The following GATAD2B variants were observed in gnomAD, a reference collection of about 807,000 sequenced individuals.
The protein encoded by GATAD2B is GATA zinc finger domain containing 2B.
GATAD2B carries 8 observed loss-of-function variants against 64.3 expected under a neutral mutation model. The ratio of observed to expected loss-of-function variants is 0.12; its 90% CI spans 0.07 to 0.22. The LOEUF (loss-of-function observed/expected upper bound fraction) is 0.22. Ranked by LOEUF, GATAD2B falls within the 10% of genes least tolerant of loss-of-function variation. The pLI is 1.00. For missense variants in GATAD2B, 453 were observed against 752.0 expected (o/e 0.60, Z 4.65); for synonymous variants, 281 against 271.3 (o/e 1.04, Z -0.35).
At chr1:153,811,462 C>A in intron 10 of GATAD2B, 1 of 492,226 alleles carries the variant, frequency 2.0e-6, no homozygotes, top group Non-Finnish European at 3.6e-6. Flanking sequence ...CAAAAGAGAT[C>A]AATAACCACA....
At chr1:153,918,000 G>A (rs1678323534) in intron 1 of GATAD2B, among the ~76,000 whole-genome samples, 1 of 152,196 alleles carries the variant, frequency 6.6e-6, no homozygotes, top group African/African-American at 2.4e-5. Flanking sequence ...TCTCTGTGGG[G>A]AAACCTAGCT....
chr1:153,894,162 G>C (rs1677509121), intron 1 of GATAD2B, among the ~76,000 whole-genome samples: 1 of 151,918 alleles, frequency 6.6e-6, no homozygotes, highest in Non-Finnish European at 1.5e-5. Flanking sequence ...TAATGACTAG[G>C]AGAGAACATA....
At chr1:153,852,308 C>A in intron 1 of GATAD2B, 1 of 1,036,344 alleles carries the variant, frequency 9.6e-7, no homozygotes, top group South Asian at 1.3e-5. Flanking sequence ...TGGAGGCTGT[C>A]AGACACTTCC....
chr1:153,920,759 C>T (rs1289986562), intron 1 of GATAD2B, among the ~76,000 whole-genome samples: 2 of 152,230 alleles, frequency 1.3e-5, no homozygotes, highest in Non-Finnish European at 2.9e-5. Flanking sequence ...CTGGGTCACT[C>T]AGCCTATAGA....
intron 3 of GATAD2B, among the ~76,000 whole-genome samples, chr1:153,819,354 T>C (rs1166540489): frequency 6.6e-6 from 1 of 152,248 alleles, no homozygotes; most frequent in African/African-American, 2.4e-5. Context: ...TTATGAACTT[T>C]TGTTTTCATT....
chr1:153,896,319 T>A (rs1421876677), intron 1 of GATAD2B, among the ~76,000 whole-genome samples: 1 of 151,656 alleles, frequency 6.6e-6, no homozygotes, highest in Admixed American at 6.6e-5. Context: ...AACTGGATTC[T>A]CCACTCCAAC....
chr1:153,847,802 T>C (rs1215778627), intron 1 of GATAD2B, among the ~76,000 whole-genome samples: 1 of 152,192 alleles, frequency 6.6e-6, no homozygotes, highest in Non-Finnish European at 1.5e-5. Context: ...TTTCATATTT[T>C]CCATTTTTAA....
chr1:153,852,037 T>C (rs546106779), intron 1 of GATAD2B: 1 of 452,526 alleles, frequency 2.2e-6, no homozygotes, highest in South Asian at 4.6e-5. Flanking sequence ...GCAGGGTTAA[T>C]TTCAACATAA....
At chr1:153,855,235 T>TTTG (rs1553193479) in intron 1 of GATAD2B, among the ~76,000 whole-genome samples, 15 of 145,472 alleles carry the variant, frequency 1.0e-4, no homozygotes, top group African/African-American at 3.7e-4. Flanking sequence ...GTTTTTTTTT[T>TTTG]TTGTTGTTGT....
chr1:153,863,227 C>T (rs889541493), intron 1 of GATAD2B, among the ~76,000 whole-genome samples: 28 of 152,042 alleles, frequency 1.8e-4, no homozygotes, highest in African/African-American at 6.8e-4. Flanking sequence ...ACGCCTGTGA[C>T]CCCAACAGTT....
intron 2 of GATAD2B, chr1:153,827,728 A>G (rs1674932705): frequency 9.0e-6 from 4 of 443,582 alleles, no homozygotes. Context: ...GAAGGTATAT[A>G]TTAACTCACT....
At chr1:153,907,493 G>T (rs567566536) in intron 1 of GATAD2B, among the ~76,000 whole-genome samples, 3 of 152,156 alleles carry the variant, frequency 2.0e-5, no homozygotes, top group Admixed American at 6.6e-5. Context: ...CAGGAACTGC[G>T]GAGAGGGGAG....
chr1:153,904,250 A>T (rs1286514421), intron 1 of GATAD2B, among the ~76,000 whole-genome samples: 2 of 151,996 alleles, frequency 1.3e-5, no homozygotes, highest in African/African-American at 4.8e-5. Context: ...ACTACACTCC[A>T]GCCTGGGTGA....
chr1:153,881,819 G>T (rs1432215527), intron 1 of GATAD2B, among the ~76,000 whole-genome samples: 1 of 151,878 alleles, frequency 6.6e-6, no homozygotes, highest in Non-Finnish European at 1.5e-5. Flanking sequence ...GTGTGTGTGT[G>T]GAGGGTCCCC....
At chr1:153,883,180 T>C (rs1304546875) in intron 1 of GATAD2B, among the ~76,000 whole-genome samples, 2 of 152,216 alleles carry the variant, frequency 1.3e-5, no homozygotes, top group African/African-American at 4.8e-5. Flanking sequence ...TTCTCAAATA[T>C]TAAAGTTTCT....
chr1:153,844,862 T>C (rs12130611), intron 1 of GATAD2B, among the ~76,000 whole-genome samples: 61,135 of 149,222 alleles, frequency 0.41, 13,681 homozygotes, highest in Non-Finnish European at 0.52. Flanking sequence ...TGTATACATA[T>C]GTAACTAACC....
At chr1:153,823,387 T>A (rs898821475) in intron 2 of GATAD2B, among the ~76,000 whole-genome samples, 3 of 152,254 alleles carry the variant, frequency 2.0e-5, no homozygotes, top group Non-Finnish European at 4.4e-5. Context: ...ACATTAGTAG[T>A]GTTGGTTTCA....
intron 2 of GATAD2B, among the ~76,000 whole-genome samples, chr1:153,827,001 T>G (rs1674903228): frequency 6.7e-6 from 1 of 149,558 alleles, no homozygotes; most frequent in African/African-American, 2.5e-5. Context: ...AATCCGGCAC[T>G]TTAGGAGGCT....
chr1:153,883,646 A>G (rs1295797124), intron 1 of GATAD2B, among the ~76,000 whole-genome samples: 2 of 151,936 alleles, frequency 1.3e-5, no homozygotes, highest in African/African-American at 2.4e-5. Flanking sequence ...TTTTTTAACA[A>G]CCCATTCAAA....
Sources: allele counts gnomAD v4.1 joint callset (sites outside exome capture counted in the v4.1 genomes callset), GRCh38; gene constraint gnomAD v4.1.1; transcripts MANE v1.5; gene names NCBI Gene and HGNC (gene_info 2026-07-23, HGNC 2026-07-21).